The following SAFB variants were observed in gnomAD, a reference collection of about 807,000 sequenced individuals.
The protein encoded by SAFB is scaffold attachment factor B.
A neutral mutation model predicts 101.6 loss-of-function variants in SAFB; 15 were observed. The ratio of observed to expected loss-of-function variants is 0.15; its 90% CI spans 0.10 to 0.23. The LOEUF (loss-of-function observed/expected upper bound fraction) is 0.23. Among genes scored for constraint, SAFB ranks in the 10% least tolerant of loss-of-function variants. SAFB has a pLI of 1.00. For missense variants in SAFB, 930 were observed against 1,104.1 expected, an observed-to-expected ratio of 0.84 and a Z score of 2.23; for synonymous variants, 449 against 407.5, an observed-to-expected ratio of 1.10 and a Z score of -1.23.
At position 5,667,192 on chromosome 19, in the gene SAFB, GA is replaced by G. The variant is rs1268611874; in HGVS notation, c.2453+29del. 7.4e-7 allele frequency: 1 copy of G among 1,358,306 alleles called. No homozygotes were observed. The allele number at this position is 1,358,306 out of a possible 1,614,324, so 84.1% of individuals were successfully genotyped here. A position where few individuals can be genotyped will look rare whatever the true frequency, so the allele number is the denominator to read the frequency against. The stretch of plus-strand genomic sequence containing the variant: ...TTGTGTCCCACACCCGACAGTACCT[GA>G]CCCCCCCCCCGCCCACAAGGGGGCC... On this transcript the variant is annotated intron_variant, in intron 18 of 20. Coordinates refer to ENST00000588852, the MANE Select transcript of SAFB (RefSeq NM_001201338.2). This position sits in a 1 kb window ranked among gnomAD's most constrained non-coding sequence, Gnocchi z 4.0.
intron 2 of SAFB, among the ~76,000 whole-genome samples, chr19:5,640,620 T>C (rs1292743432): frequency 6.6e-6 from 1 of 152,080 alleles, no homozygotes. Context: ...GACAGAGTCT[T>C]GCTCTGTCAT....
chr19:5,636,527 T>G (rs1253812180), intron 2 of SAFB, among the ~76,000 whole-genome samples: 2 of 152,050 alleles, frequency 1.3e-5, no homozygotes, highest in Non-Finnish European at 2.9e-5. Context: ...AGTTTGATAG[T>G]CCCCTATCTT....
chr19:5,662,052 T>A (rs2054222323), intron 15 of SAFB, among the ~76,000 whole-genome samples: 2 of 151,988 alleles, frequency 1.3e-5, no homozygotes, highest in African/African-American at 4.8e-5. Flanking sequence ...TCCCGGCTAA[T>A]TTTTTTGTAT....
At position 5,661,680 on chromosome 19, in the gene SAFB, C is replaced by T. The variant is rs1050714592; in HGVS notation, c.2025C>T (p.His675=). 29 of 1,610,004 alleles carry T rather than the reference C, an allele frequency of 1.8e-5. No individual in the cohort carries two copies. The highest frequency in any genetic ancestry group is 2.4e-5 in the Non-Finnish European group (28 of 1,179,038). ...ERERLERERM[H]VEHERRREQE... ...AACGGCTGGAGCGCGAACGCATGCACGTGGAGCACGAGCGCAGGCGCGAGC... is the reference window on the plus strand; with the variant it reads ...AACGGCTGGAGCGCGAACGCATGCATGTGGAGCACGAGCGCAGGCGCGAGC... The change falls in exon 15 of 21, where the codon CAC becomes CAT. Residue 675 remains histidine, a synonymous_variant. Transcript: ENST00000588852.
Position 5,623,120 on chromosome 19 carries a change from T to A in SAFB, c.-86T>A. The stretch of plus-strand genomic sequence containing the variant: ...CGCTGGGGCGACTGGAGCGGTTCCC[T>A]CGCAGGCGGCGCCATTTTGTGCTAG... On this transcript the variant is annotated 5_prime_UTR_variant, in exon 1 of 21. Transcript: ENST00000588852. 1 of 1,378,448 alleles carries A rather than the reference T, an allele frequency of 7.3e-7. No homozygotes were observed. The highest frequency in any genetic ancestry group is 1.3e-5 in the South Asian group (1 of 78,158). The allele number at this position is 1,378,448 out of a possible 1,614,324, so 85.4% of individuals were successfully genotyped here.
intron 14 of SAFB, 89 bp downstream of exon 14, chr19:5,657,436 G>A: frequency 1.2e-6 from 1 of 862,744 alleles, no homozygotes; most frequent in Non-Finnish European, 1.9e-6. Context: ...GTTCCCTGGG[G>A]TGGGATAGAG....
intron 14 of SAFB, among the ~76,000 whole-genome samples, chr19:5,660,662 TGAGCTCAG>T (rs1333526155): frequency 6.8e-6 from 1 of 147,262 alleles, no homozygotes; most frequent in Non-Finnish European, 1.5e-5. Flanking sequence ...CAGATTGTTT[TGAGCTCAG>T]GAGTTCGAGA....
In SAFB at chr19:5,667,999, G is replaced by C. The variant is rs1334695758; in HGVS notation, c.2624+113G>C. On this transcript the variant is annotated intron_variant, in intron 20 of 20. Transcript: ENST00000588852. This position sits in a 1 kb window ranked among gnomAD's most constrained non-coding sequence, Gnocchi z 4.0. The stretch of plus-strand genomic sequence containing the variant: ...TAGTGCCCCTCCCCCCAAGGGTGAC[G>C]TGAGGCCAGGCATGGGGTACTGTGG... 1 of 1,416,680 alleles carries C rather than the reference G, an allele frequency of 7.1e-7. No homozygotes were observed. The highest frequency in any genetic ancestry group is 9.6e-7 in the Non-Finnish European group (1 of 1,042,914). 87.8% of individuals were successfully genotyped at this position (1,416,680 alleles called of 1,614,324 possible).
At chr19:5,645,523 G>A in intron 5 of SAFB, 124 bp downstream of exon 5, 1 of 573,438 alleles carries the variant, frequency 1.7e-6, no homozygotes, top group East Asian at 3.0e-5. Flanking sequence ...TCCTTTGTCA[G>A]GATCGTTAAT....
chr19:5,635,618 A>G (rs1339360221), intron 2 of SAFB, among the ~76,000 whole-genome samples: 2 of 152,140 alleles, frequency 1.3e-5, no homozygotes, highest in Non-Finnish European at 2.9e-5. Context: ...ATCAGAAAGT[A>G]ATGAACCACC....
At chr19:5,628,022 G>A (rs748657927) in intron 2 of SAFB, among the ~76,000 whole-genome samples, 1 of 152,072 alleles carries the variant, frequency 6.6e-6, no homozygotes, top group Non-Finnish European at 1.5e-5. Flanking sequence ...AGGTTGAGGC[G>A]GACTGGTCAC....
Position 5,667,757 on chromosome 19 carries a change from A to C in SAFB, c.2558-63A>C. The C allele has an allele frequency of 6.4e-7, 1 of 1,555,238 alleles. No homozygotes were observed. Reference sequence around the variant, plus strand: ...CACCAAAGGGAGTGGAGTGGGCTAAATGTGCCGTGGGTTCCACGCCGTGTG... The same window carrying C: ...CACCAAAGGGAGTGGAGTGGGCTAACTGTGCCGTGGGTTCCACGCCGTGTG... On this transcript the variant is annotated intron_variant, in intron 19 of 20. Transcript: ENST00000588852. The surrounding 1 kb of genome is among the most constrained non-coding windows in gnomAD (Gnocchi z 4.0).
At position 5,667,514 on chromosome 19, in the gene SAFB, G is replaced by A. The variant is rs746959236; in HGVS notation, c.2557+64G>A. The A allele has an allele frequency of 4.6e-5, 54 of 1,179,162 alleles. No individual in the cohort carries two copies. Among genetic ancestry groups the A allele is most frequent in the African/African-American group, 9.4e-5 (6 of 63,838 alleles). The allele number at this position is 1,179,162 out of a possible 1,614,324, so 73.0% of individuals were successfully genotyped here. A position where few individuals can be genotyped will look rare whatever the true frequency, so the allele number is the denominator to read the frequency against. ...GGAGTGATGGAAAGATGGAGGCCGC[G>A]CCTTCTCTCCTTGGGGGAGCACAGG... On this transcript the variant is annotated intron_variant, in intron 19 of 20. Coordinates refer to ENST00000588852, the MANE Select transcript of SAFB (RefSeq NM_001201338.2). This position sits in a 1 kb window ranked among gnomAD's most constrained non-coding sequence, Gnocchi z 4.0.
At chr19:5,655,770 C>T (rs971593110) in intron 13 of SAFB, among the ~76,000 whole-genome samples, 1 of 152,118 alleles carries the variant, frequency 6.6e-6, no homozygotes, top group Non-Finnish European at 1.5e-5. Flanking sequence ...CTATAAAACA[C>T]CTTTGGAAAA....
rs1230974923 is a variant in SAFB, at chr19:5,667,254, C to A, written c.2453+90C>A. The A allele has an allele frequency of 1.6e-6, 2 of 1,253,354 alleles. No individual in the cohort carries two copies. The highest frequency in any genetic ancestry group is 2.2e-6 in the Non-Finnish European group (2 of 911,214). The allele number at this position is 1,253,354 out of a possible 1,614,324, so 77.6% of individuals were successfully genotyped here. On this transcript the variant is annotated intron_variant, in intron 18 of 20. Coordinates refer to ENST00000588852, the MANE Select transcript of SAFB (RefSeq NM_001201338.2). This position sits in a 1 kb window ranked among gnomAD's most constrained non-coding sequence, Gnocchi z 4.0. ...TGGGATGTGGGCACAGGGTGGGAAA[C>A]ACAGAGGGATTCACTCTCCAGAAGC...
intron 5 of SAFB, among the ~76,000 whole-genome samples, chr19:5,646,185 T>A (rs758393376): frequency 3.9e-4 from 59 of 152,338 alleles, no homozygotes; most frequent in Admixed American, 9.8e-4. Context: ...TTATTTATTT[T>A]TTTTCCCGTC....
intron 11 of SAFB, 27 bp downstream of exon 11, chr19:5,653,447 AG>A (rs955984089): frequency 3.1e-6 from 5 of 1,598,478 alleles, no homozygotes; most frequent in Admixed American, 3.4e-5. Context: ...GCTAAATTAA[AG>A]GGGCAGGGTG....
rs772619826 is a variant in SAFB at position 5,659,141 on chromosome 19, C to CA, written c.1862+1808dup. Among the ~76,000 whole-genome samples, 842 of 130,240 alleles carry CA rather than the reference C, an allele frequency of 6.5e-3. 6 individuals are homozygous for CA. Among genetic ancestry groups the CA allele is most frequent in the Middle Eastern group, 8.5e-3 (2 of 236 alleles). The allele number at this position is 130,240 out of a possible 152,430, so 85.4% of individuals were successfully genotyped here. A position where few individuals can be genotyped will look rare whatever the true frequency, so the allele number is the denominator to read the frequency against. On this transcript the variant is annotated intron_variant, in intron 14 of 20. Transcript: ENST00000588852. ...TGGGTGACAGAGCGAGACTCCGTCT[C>CA]AAAAAAAAAAAAAATCAGCTGGGCG...
intron 2 of SAFB, among the ~76,000 whole-genome samples, chr19:5,630,039 C>G (rs189640408): frequency 6.6e-6 from 1 of 151,952 alleles, no homozygotes; most frequent in Admixed American, 6.5e-5. Flanking sequence ...GAGGCTGTCT[C>G]AAAAACAAAA....
Sources: allele counts gnomAD v4.1 joint callset (sites outside exome capture counted in the v4.1 genomes callset), GRCh38; gene constraint gnomAD v4.1.1; non-coding constraint Gnocchi (gnomAD v3.1); transcripts MANE v1.5; gene names NCBI Gene and HGNC (gene_info 2026-07-23, HGNC 2026-07-21).